FAR2: variants seen among roughly 807,000 people sequenced by gnomAD.
FAR2 encodes fatty acyl-CoA reductase 2.
Under a neutral mutation model 56.0 loss-of-function variants are expected in FAR2, and 19 were observed. That is an observed-to-expected ratio of 0.34 (90% CI 0.24 to 0.50). The LOEUF (loss-of-function observed/expected upper bound fraction) is 0.50, where lower values mean the gene tolerates loss of function less well. FAR2 is among the 20% of genes least tolerant of loss of function. The probability of loss-of-function intolerance (pLI) is 0.98; values close to 1 mark genes in which losing one functional copy is unlikely to be tolerated. For synonymous variants in FAR2, 219 were observed against 218.8 expected (o/e 1.00, Z -0.01); for missense variants, 508 against 642.2 (o/e 0.79, Z 2.26).
chr12:29,228,140 G>T (rs1386309570), intron 1 of FAR2, among the ~76,000 whole-genome samples: 1 of 142,500 alleles, frequency 7.0e-6, no homozygotes, highest in African/African-American at 2.6e-5. Flanking sequence ...ATAAAAAAAA[G>T]GAAAAAAAAA....
At chr12:29,331,889 G>A (rs1158483232) in intron 10 of FAR2, 1 of 152,106 alleles carries the variant, frequency 6.6e-6, no homozygotes, top group Non-Finnish European at 1.5e-5. Context: ...TTTTGGTTAT[G>A]CAAGTGTTTT....
chr12:29,154,241 A>G (rs958230734), intron 1 of FAR2, among the ~76,000 whole-genome samples: 4 of 152,202 alleles, frequency 2.6e-5, no homozygotes, highest in Non-Finnish European at 4.4e-5. Context: ...TCCCCTGCTT[A>G]AAACCCTGTC....
intron 1 of FAR2, among the ~76,000 whole-genome samples, chr12:29,209,692 CTGTGTGTGTG>C (rs34881464): frequency 6.7e-6 from 1 of 149,190 alleles, no homozygotes; most frequent in South Asian, 2.1e-4. Flanking sequence ...GATGTCTGCT[CTGTGTGTGTG>C]TGTGTGTGTG....
intron 9 of FAR2, 119 bp from the exon 10 acceptor site, chr12:29,321,676 T>C: frequency 1.7e-6 from 2 of 1,147,682 alleles, no homozygotes; most frequent in South Asian, 1.7e-5. Context: ...AGAATTTTAA[T>C]GAGGAGTGGT....
At position 29,177,856 on chromosome 12, in the gene FAR2, T is replaced by A. The variant is rs551738979; in HGVS notation, c.-39+28449T>A. Among the ~76,000 whole-genome samples the A allele has an allele frequency of 8.3e-4, 126 of 151,796 alleles. 1 individual carries two copies. Among genetic ancestry groups the A allele is most frequent in the African/African-American group, 2.9e-3 (119 of 41,342 alleles). ...GCACAAAAAAAACAAACAAAAAACA[T>A]ACAACAACAACAAAAAACCTCAGCC... On this transcript the variant is annotated intron_variant, in intron 1 of 11. Transcript: ENST00000536681.
intron 1 of FAR2, among the ~76,000 whole-genome samples, chr12:29,262,716 G>A (rs957775155): frequency 1.3e-5 from 2 of 152,070 alleles, no homozygotes; most frequent in Non-Finnish European, 1.5e-5. Flanking sequence ...CTAAAAGGAA[G>A]ACAGGAAGGA....
At chr12:29,259,694 G>T (rs1948384957) in intron 1 of FAR2, among the ~76,000 whole-genome samples, 1 of 152,206 alleles carries the variant, frequency 6.6e-6, no homozygotes, top group African/African-American at 2.4e-5. Context: ...TACACCAGAA[G>T]AGAAATGAAA....
chr12:29,320,977 AT>A (rs1350834886), intron 9 of FAR2, among the ~76,000 whole-genome samples: 2 of 152,206 alleles, frequency 1.3e-5, no homozygotes, highest in African/African-American at 4.8e-5. Flanking sequence ...TATGTTACTC[AT>A]TTGTAAAACT....
intron 1 of FAR2, among the ~76,000 whole-genome samples, chr12:29,204,107 G>A (rs1188470317): frequency 1.3e-5 from 2 of 150,566 alleles, no homozygotes; most frequent in Non-Finnish European, 2.9e-5. Context: ...TCAATAACTT[G>A]GCAAGTAGCA....
At chr12:29,153,413 G>A (rs1422458428) in intron 1 of FAR2, among the ~76,000 whole-genome samples, 9 of 152,216 alleles carry the variant, frequency 5.9e-5, no homozygotes, top group Admixed American at 5.9e-4. Flanking sequence ...AAGAGAAAAC[G>A]CTTGCAGCAT....
chr12:29,245,474 T>C (rs1948113257), intron 1 of FAR2, among the ~76,000 whole-genome samples: 1 of 152,088 alleles, frequency 6.6e-6, no homozygotes, highest in Non-Finnish European at 1.5e-5. Context: ...CAGAATGGGG[T>C]TGGGCTTGGG....
chr12:29,209,692 C>CTGTGTG (rs34881464), intron 1 of FAR2, among the ~76,000 whole-genome samples: 73,931 of 149,068 alleles, frequency 0.5, 20,950 homozygotes, highest in Non-Finnish European at 0.64. Context: ...GATGTCTGCT[C>CTGTGTG]TGTGTGTGTG....
chr12:29,205,600 G>A (rs1947469969), intron 1 of FAR2, among the ~76,000 whole-genome samples: 2 of 152,124 alleles, frequency 1.3e-5, no homozygotes, highest in African/African-American at 2.4e-5. Flanking sequence ...AAGACAAGGA[G>A]GCCAATGAAA....
intron 1 of FAR2, among the ~76,000 whole-genome samples, chr12:29,255,925 G>A (rs4931171): frequency 0.33 from 49,956 of 151,278 alleles, 9,406 homozygotes; most frequent in Admixed American, 0.47. Context: ...GCTTGAGTGC[G>A]GTGGCACAGT....
intron 1 of FAR2, among the ~76,000 whole-genome samples, chr12:29,264,593 G>A (rs1366459122): frequency 6.6e-6 from 1 of 150,540 alleles, no homozygotes; most frequent in African/African-American, 2.5e-5. Flanking sequence ...TGCAGTGTGG[G>A]CAACATAGTG....
intron 1 of FAR2, among the ~76,000 whole-genome samples, chr12:29,228,079 T>C (rs558505741): frequency 6.7e-6 from 1 of 150,352 alleles, no homozygotes; most frequent in African/African-American, 2.5e-5. Flanking sequence ...CATGTATACA[T>C]ATGTAACAAA....
chr12:29,187,661 C>T (rs1341074374), intron 1 of FAR2, among the ~76,000 whole-genome samples: 1 of 152,150 alleles, frequency 6.6e-6, no homozygotes, highest in Non-Finnish European at 1.5e-5. Context: ...TTCTAGTCTA[C>T]ATATATTTTT....
At chr12:29,186,828 G>A (rs755814590) in intron 1 of FAR2, among the ~76,000 whole-genome samples, 9 of 151,036 alleles carry the variant, frequency 6.0e-5, no homozygotes, top group African/African-American at 1.7e-4. Flanking sequence ...TCGCTCTGTC[G>A]CCCAGGCTGG....
At chr12:29,217,248 G>A (rs1947632670) in intron 1 of FAR2, among the ~76,000 whole-genome samples, 1 of 152,190 alleles carries the variant, frequency 6.6e-6, no homozygotes, top group Non-Finnish European at 1.5e-5. Flanking sequence ...CTTTCCTGGA[G>A]GCATCTGCTC....
Sources: allele counts gnomAD v4.1 joint callset (sites outside exome capture counted in the v4.1 genomes callset), GRCh38; gene constraint gnomAD v4.1.1; transcripts MANE v1.5; gene names NCBI Gene and HGNC (gene_info 2026-07-23, HGNC 2026-07-21).